Variants in PRPF18 observed in about 807,000 individuals in gnomAD.
PRPF18 encodes the protein pre-mRNA processing factor 18.
Under a neutral mutation model 46.5 loss-of-function variants are expected in PRPF18, and 38 were observed. The ratio of observed to expected loss-of-function variants is 0.82; its 90% CI spans 0.63 to 1.07. The LOEUF is 1.07. PRPF18 is among the 50% of genes least tolerant of loss of function. PRPF18 has a pLI of 0.00. For synonymous variants in PRPF18, 152 were observed against 146.7 expected (o/e 1.04, Z -0.26); for missense variants, 263 against 410.0 (o/e 0.64, Z 3.10).
chr10:13,591,883 C>T (rs2079967405), intron 1 of PRPF18: 3 of 1,423,916 alleles, frequency 2.1e-6, no homozygotes, highest in East Asian at 3.8e-5. Flanking sequence ...CAGAACGTTC[C>T]CCGGGGTAAT....
chr10:13,597,173 G>A (rs2080047480), intron 1 of PRPF18, among the ~76,000 whole-genome samples: 3 of 152,134 alleles, frequency 2.0e-5, no homozygotes, highest in African/African-American at 7.2e-5. Context: ...AAAACATTTG[G>A]AAAATATTCT....
intron 3 of PRPF18, among the ~76,000 whole-genome samples, chr10:13,602,458 G>A (rs2080125781): frequency 6.7e-6 from 1 of 149,604 alleles, no homozygotes. Flanking sequence ...TTTATTTTTT[G>A]CCATGCAGAA....
the PRPF18 span, chr10:13,651,433 CTAAAATA>C: frequency 6.3e-6 from 1 of 157,816 alleles, no homozygotes; most frequent in Non-Finnish European, 1.4e-5. Context: ...CATGGTGAGT[CTAAAATA>C]TACTTTGGGG....
In PRPF18 at chr10:13,587,063, T is replaced by A. The variant is rs770749874; in HGVS notation, c.-24T>A. The A allele has an allele frequency of 4.3e-6, 7 of 1,612,830 alleles. No individual in the cohort carries two copies. In the East Asian group the frequency reaches 1.6e-4, roughly 36 times the overall value. On this transcript the variant is annotated 5_prime_UTR_variant, in exon 1 of 10. Transcript: ENST00000378572. The stretch of plus-strand genomic sequence containing the variant: ...GGTTCGAGGAGCTGGAGCGGGAAAC[T>A]GGAGCTTAAATTCTGGCGGCGAGAT...
chr10:13,602,584 A>T (rs1471750889), intron 3 of PRPF18, among the ~76,000 whole-genome samples: 2 of 151,386 alleles, frequency 1.3e-5, no homozygotes, highest in Non-Finnish European at 2.9e-5. Flanking sequence ...AGATATATTA[A>T]TTTTTTTCCA....
At chr10:13,652,079 G>T in the PRPF18 span, 1 of 753,828 alleles carries the variant, frequency 1.3e-6, no homozygotes, top group South Asian at 1.4e-5. Flanking sequence ...TATCCGAAAG[G>T]CTTGCTGATT....
At chr10:13,604,565 A>T (rs1465560717) in intron 3 of PRPF18, among the ~76,000 whole-genome samples, 2 of 152,220 alleles carry the variant, frequency 1.3e-5, no homozygotes, top group Non-Finnish European at 2.9e-5. Flanking sequence ...TGGTATTACA[A>T]TGCAGACTGT....
At chr10:13,629,120 T>A (rs1369685984) in intron 9 of PRPF18, among the ~76,000 whole-genome samples, 1 of 152,204 alleles carries the variant, frequency 6.6e-6, no homozygotes, top group Non-Finnish European at 1.5e-5. Context: ...AAAATCTAAC[T>A]ATAAAGTTAT....
At chr10:13,651,375 C>T in the PRPF18 span, 2 of 153,208 alleles carry the variant, frequency 1.3e-5, no homozygotes, top group African/African-American at 2.4e-5. Context: ...TTCAGGGACA[C>T]TGATTACTCA....
At chr10:13,619,279 T>C (rs1039642280) in intron 9 of PRPF18, among the ~76,000 whole-genome samples, 4 of 152,268 alleles carry the variant, frequency 2.6e-5, no homozygotes, top group Non-Finnish European at 5.9e-5. Flanking sequence ...AGGATTAAAC[T>C]TGTTTTATAC....
At chr10:13,646,092 CTG>C in the PRPF18 span, 3 of 152,534 alleles carry the variant, frequency 2.0e-5, no homozygotes, top group Admixed American at 6.5e-5. Context: ...TGGATGGCGA[CTG>C]TGAGTCAGCA....
the PRPF18 span, chr10:13,641,161 A>G: frequency 6.6e-6 from 1 of 152,288 alleles, no homozygotes; most frequent in Middle Eastern, 3.4e-3. Context: ...TTCCAGTGTA[A>G]TTAAGTCTTA....
chr10:13,621,114 A>G (rs562560571), intron 9 of PRPF18, among the ~76,000 whole-genome samples: 6 of 152,344 alleles, frequency 3.9e-5, no homozygotes, highest in African/African-American at 1.2e-4. Context: ...CTCTTGAAAA[A>G]GTTCACATCT....
chr10:13,587,113 T>G lies in PRPF18; in HGVS notation c.27T>G (p.Leu9=). 1.2e-6 allele frequency: 2 copies of G among 1,614,116 alleles called. No individual in the cohort carries two copies. Among genetic ancestry groups the G allele is most frequent in the Non-Finnish European group, 1.7e-6 (2 of 1,179,984 alleles). ...TGGACATTCTGAAATCAGAGATCCT[T>G]CGGAAGCGGCAGCTGGTGGAGGACA... is the stretch of plus-strand genomic sequence containing the variant. The part of the protein sequence containing the change: MDILKSEI[L]RKRQLVEDRN... Residue 9 remains leucine (L), a synonymous_variant, in exon 1 of 10, where the codon CTT becomes CTG. Transcript: ENST00000378572.
At chr10:13,651,720 A>G in the PRPF18 span, 1 of 607,914 alleles carries the variant, frequency 1.6e-6, no homozygotes, top group South Asian at 2.0e-5. Context: ...AGTGTTAGGA[A>G]TATCATAATT....
intron 6 of PRPF18, among the ~76,000 whole-genome samples, chr10:13,612,611 G>C (rs1179880950): frequency 7.1e-6 from 1 of 141,472 alleles, no homozygotes; most frequent in Non-Finnish European, 1.5e-5. Context: ...CAAGGAAGAA[G>C]AGGGTTCTAG....
chr10:13,652,099 A>C, the PRPF18 span: 21 of 706,816 alleles, frequency 3.0e-5, no homozygotes, highest in African/African-American at 3.4e-4. Context: ...TAGACACCTG[A>C]GTTAGCAACA....
chr10:13,618,308 G>A (rs910961204), intron 9 of PRPF18, among the ~76,000 whole-genome samples: 4 of 152,080 alleles, frequency 2.6e-5, no homozygotes, highest in African/African-American at 4.8e-5. Flanking sequence ...TTTTGCTTAA[G>A]CTTATAATTT....
At chr10:13,604,264 G>C (rs1003338191) in intron 3 of PRPF18, among the ~76,000 whole-genome samples, 10 of 152,098 alleles carry the variant, frequency 6.6e-5, no homozygotes, top group African/African-American at 2.4e-4. Context: ...TATGCTCCCA[G>C]GTAAAGCTCT....
Sources: gnomAD v4.1 joint callset for allele counts (sites outside exome capture counted in the v4.1 genomes callset) on GRCh38, gnomAD v4.1.1 for gene constraint, MANE v1.5 for transcripts, NCBI Gene and HGNC (gene_info 2026-07-23, HGNC 2026-07-21) for gene names.